The following GPHN variants were observed in gnomAD, a reference collection of about 807,000 sequenced individuals.
The protein encoded by GPHN is gephyrin.
Under a neutral mutation model 95.5 loss-of-function variants are expected in GPHN, and 17 were observed. The observed-to-expected ratio is 0.18, with a 90% CI of 0.12 to 0.27. GPHN has a LOEUF of 0.27. GPHN is among the 10% of genes least tolerant of loss of function. The pLI is 1.00. For synonymous variants in GPHN, 320 were observed against 322.5 expected (o/e 0.99, Z 0.08); for missense variants, 660 against 978.1 (o/e 0.67, Z 4.34).
the GPHN span, among the ~76,000 whole-genome samples, chr14:67,598,328 G>A: frequency 6.6e-6 from 1 of 152,146 alleles, no homozygotes; most frequent in East Asian, 1.9e-4. Context: ...AAGTACAGAA[G>A]GGACCTGGCA....
the GPHN span, chr14:67,271,415 T>A: frequency 6.6e-6 from 1 of 152,276 alleles, no homozygotes; most frequent in African/African-American, 2.4e-5. Context: ...CTGGGCAATG[T>A]TACGGATTCA....
intron 2 of GPHN, among the ~76,000 whole-genome samples, chr14:66,725,471 T>C (rs1169837946): frequency 2.0e-5 from 3 of 152,058 alleles, no homozygotes; most frequent in Non-Finnish European, 4.4e-5. Context: ...ACAGATAGTG[T>C]TTTTGTTTGT....
At chr14:67,490,707 C>T in the GPHN span, among the ~76,000 whole-genome samples, 1 of 152,180 alleles carries the variant, frequency 6.6e-6, no homozygotes, top group Admixed American at 6.5e-5. Context: ...GGCCCCTCAT[C>T]ATCTCCTTGG....
chr14:67,225,248 A>G, the GPHN span: 1 of 1,517,322 alleles, frequency 6.6e-7, no homozygotes, highest in Non-Finnish European at 8.8e-7. Context: ...ATGGAAAAAC[A>G]TGTAAGACAA....
At chr14:67,476,951 C>A in the GPHN span, among the ~76,000 whole-genome samples, 4 of 152,092 alleles carry the variant, frequency 2.6e-5, no homozygotes, top group Admixed American at 6.6e-5. Context: ...AATGATGAAA[C>A]CCTGTCTCTA....
the GPHN span, chr14:67,579,942 G>C: frequency 6.9e-7 from 1 of 1,444,860 alleles, no homozygotes; most frequent in South Asian, 1.3e-5. Context: ...TGGGGAAAGA[G>C]CCCATCTGAT....
the GPHN span, chr14:67,725,183 A>G: frequency 1.2e-6 from 2 of 1,614,218 alleles, no homozygotes; most frequent in Non-Finnish European, 1.7e-6. Context: ...AAGAACTCCC[A>G]GGTGCTGGTG....
At chr14:66,643,083 A>G (rs201910328) in intron 1 of GPHN, among the ~76,000 whole-genome samples, 2 of 152,118 alleles carry the variant, frequency 1.3e-5, no homozygotes, top group Non-Finnish European at 2.9e-5. Flanking sequence ...CCATAACCCA[A>G]TTTTAAAAAT....
intron 2 of GPHN, among the ~76,000 whole-genome samples, chr14:66,730,904 G>A (rs1049405861): frequency 6.6e-6 from 1 of 152,146 alleles, no homozygotes; most frequent in Non-Finnish European, 1.5e-5. Flanking sequence ...CATGTGTCAA[G>A]GGAAGGACCT....
intron 2 of GPHN, among the ~76,000 whole-genome samples, chr14:66,711,046 TTTTG>T (rs916154155): frequency 2.6e-4 from 39 of 152,182 alleles, no homozygotes; most frequent in African/African-American, 9.2e-4. Context: ...ATGTATTTTG[TTTTG>T]TTTGTTTTTC....
intron 3 of GPHN, among the ~76,000 whole-genome samples, chr14:66,787,872 T>A (rs984992823): frequency 1.3e-5 from 2 of 148,262 alleles, no homozygotes; most frequent in Non-Finnish European, 3.0e-5. Flanking sequence ...ATATATATAC[T>A]GTAAAACTGT....
chr14:66,976,618 AAC>A (rs1436323240), intron 9 of GPHN, among the ~76,000 whole-genome samples: 3 of 152,186 alleles, frequency 2.0e-5, no homozygotes, highest in African/African-American at 4.8e-5. Context: ...TTAAAGAGAA[AAC>A]ACAGAGTAAT....
chr14:66,567,829 G>A (rs1336288451), intron 1 of GPHN, among the ~76,000 whole-genome samples: 1 of 151,800 alleles, frequency 6.6e-6, no homozygotes, highest in Non-Finnish European at 1.5e-5. Flanking sequence ...GTGTTTTTTT[G>A]AGTATATTGT....
chr14:66,760,370 C>T (rs1341092592), intron 2 of GPHN, among the ~76,000 whole-genome samples: 1 of 152,102 alleles, frequency 6.6e-6, no homozygotes, highest in East Asian at 1.9e-4. Context: ...ACTCTGTAAT[C>T]TCATTTAATT....
At chr14:66,855,171 C>T (rs1369983476) in intron 4 of GPHN, among the ~76,000 whole-genome samples, 1 of 152,124 alleles carries the variant, frequency 6.6e-6, no homozygotes, top group African/African-American at 2.4e-5. Flanking sequence ...TTTAAGTGTA[C>T]AGTTCATTGG....
At chr14:66,716,521 C>T (rs1215514464) in intron 2 of GPHN, among the ~76,000 whole-genome samples, 2 of 152,052 alleles carry the variant, frequency 1.3e-5, no homozygotes, top group Non-Finnish European at 2.9e-5. Flanking sequence ...TGTGAGGTAC[C>T]ATTTGATTCA....
chr14:67,096,881 C>T (rs2077423426), intron 12 of GPHN, among the ~76,000 whole-genome samples: 1 of 151,826 alleles, frequency 6.6e-6, no homozygotes, highest in African/African-American at 2.4e-5. Flanking sequence ...CCAGCCAAAG[C>T]AGTCTTTCTA....
intron 2 of GPHN, among the ~76,000 whole-genome samples, chr14:66,758,646 G>A (rs2058655718): frequency 6.6e-6 from 1 of 152,192 alleles, no homozygotes; most frequent in Admixed American, 6.5e-5. Context: ...GATAACTGGT[G>A]GCTGTAGTTG....
the GPHN span, among the ~76,000 whole-genome samples, chr14:67,519,788 T>C: frequency 6.6e-6 from 1 of 151,806 alleles, no homozygotes; most frequent in Non-Finnish European, 1.5e-5. Context: ...AGTGGCATGA[T>C]CATGGCTTAC....
Sources: allele counts gnomAD v4.1 joint callset (sites outside exome capture counted in the v4.1 genomes callset), GRCh38; gene constraint gnomAD v4.1.1; transcripts MANE v1.5; gene names NCBI Gene and HGNC (gene_info 2026-07-23, HGNC 2026-07-21).